Variants in CTNND2 observed in about 807,000 individuals in gnomAD.
The protein encoded by CTNND2 is catenin delta 2.
Under a neutral mutation model 144.4 loss-of-function variants are expected in CTNND2, and 22 were observed. The ratio of observed to expected loss-of-function variants is 0.15; its 90% CI spans 0.11 to 0.22. The LOEUF is 0.22. CTNND2 is among the 10% of genes least tolerant of loss of function. The pLI, the probability that CTNND2 is intolerant of heterozygous loss-of-function variation, is 1.00. For missense variants in CTNND2, 1,353 were observed against 1,618.8 expected (o/e 0.84, Z 2.82); for synonymous variants, 751 against 695.6 (o/e 1.08, Z -1.25).
chr5:11,724,017 T>G (rs1209355779), intron 2 of CTNND2, among the ~76,000 whole-genome samples: 1 of 151,340 alleles, frequency 6.6e-6, no homozygotes, highest in Non-Finnish European at 1.5e-5. Context: ...ATCACACCAC[T>G]GCACTCCAGC....
At chr5:11,535,079 T>G (rs949198979) in intron 3 of CTNND2, among the ~76,000 whole-genome samples, 1 of 151,794 alleles carries the variant, frequency 6.6e-6, no homozygotes, top group Non-Finnish European at 1.5e-5. Flanking sequence ...TCCCACCTAC[T>G]TGGGAGGTTG....
At chr5:11,529,245 C>CA (rs1186575860) in intron 3 of CTNND2, among the ~76,000 whole-genome samples, 15 of 152,104 alleles carry the variant, frequency 9.9e-5, no homozygotes, top group East Asian at 1.9e-4. Flanking sequence ...AAAAAACTGG[C>CA]AAAAAACAAA....
At chr5:11,057,388 G>A (rs983491228) in intron 16 of CTNND2, among the ~76,000 whole-genome samples, 6 of 152,126 alleles carry the variant, frequency 3.9e-5, no homozygotes, top group South Asian at 2.1e-4. Context: ...CTGTTCTCAC[G>A]ACAGTGAATA....
chr5:11,105,474 G>A (rs769947052), intron 14 of CTNND2, among the ~76,000 whole-genome samples: 9 of 152,190 alleles, frequency 5.9e-5, no homozygotes, highest in Non-Finnish European at 1.0e-4. Context: ...TGCACAGGCC[G>A]GCTCCCTGGA....
Position 11,066,426 on chromosome 5 carries a change from G to T in CTNND2, c.2788+16270C>A, listed in dbSNP as rs1253641023. Among the ~76,000 whole-genome samples, 3 of 152,092 alleles carry T rather than the reference G, an allele frequency of 2.0e-5. No individual in the cohort carries two copies. The East Asian group carries it at 5.8e-4, about 29-fold the overall frequency. The stretch of plus-strand genomic sequence containing the variant: ...CTCAATCAATTGTCAACCAGAAAAT[G>T]TTTAAATTTACCTACAGCCCCCCTC... On this transcript the variant is annotated intron_variant, in intron 16 of 21. Coordinates refer to ENST00000304623, the MANE Select transcript of CTNND2 (RefSeq NM_001332.4).
chr5:11,559,238 C>A (rs1348666445), intron 3 of CTNND2, among the ~76,000 whole-genome samples: 1 of 152,042 alleles, frequency 6.6e-6, no homozygotes, highest in East Asian at 1.9e-4. Flanking sequence ...TACATGCTCA[C>A]AAGTGAGACT....
At chr5:11,111,976 A>T (rs1488887766) in intron 13 of CTNND2, among the ~76,000 whole-genome samples, 3 of 150,828 alleles carry the variant, frequency 2.0e-5, no homozygotes, top group Non-Finnish European at 3.0e-5. Context: ...CCTCCCAAGT[A>T]GCTGGGACTA....
At chr5:11,272,997 C>T (rs1746174816) in intron 9 of CTNND2, among the ~76,000 whole-genome samples, 1 of 152,116 alleles carries the variant, frequency 6.6e-6, no homozygotes, top group Non-Finnish European at 1.5e-5. Context: ...ACCAGCTAGG[C>T]ATTCTCACAA....
chr5:11,219,344 A>G (rs944511437), intron 10 of CTNND2, among the ~76,000 whole-genome samples: 8 of 152,258 alleles, frequency 5.3e-5, no homozygotes, highest in Non-Finnish European at 8.8e-5. Context: ...GAATTTTTCA[A>G]ATCAGCTAAC....
intron 2 of CTNND2, among the ~76,000 whole-genome samples, chr5:11,722,363 G>T (rs1257168271): frequency 1.3e-5 from 2 of 152,152 alleles, no homozygotes; most frequent in Non-Finnish European, 2.9e-5. Flanking sequence ...TGGTTACACA[G>T]TTGCAGGTAA....
Position 11,403,958 on chromosome 5 carries a change from C to T in CTNND2, c.440-6755G>A, listed in dbSNP as rs77357267. ...TCACAATAGAGGATTTCCTGGCCTT[C>T]GATCATTCTTTATTCTAGTGGTTCT... On this transcript the variant is annotated intron_variant, in intron 5 of 21. Transcript: ENST00000304623. 6.5e-3 allele frequency among the ~76,000 whole-genome samples: 990 copies of T among 152,244 alleles called. 14 individuals carry two copies. Among genetic ancestry groups the T allele is most frequent in the Middle Eastern group, 0.02 (6 of 294 alleles).
At chr5:11,075,838 C>T (rs933257800) in intron 16 of CTNND2, among the ~76,000 whole-genome samples, 15 of 152,230 alleles carry the variant, frequency 9.9e-5, no homozygotes, top group African/African-American at 3.6e-4. Context: ...AGCATCTAAG[C>T]TTTATTTCTT....
At chr5:11,134,419 C>G (rs980642075) in intron 12 of CTNND2, among the ~76,000 whole-genome samples, 3 of 152,184 alleles carry the variant, frequency 2.0e-5, no homozygotes, top group Non-Finnish European at 4.4e-5. Flanking sequence ...AGCCAAGACC[C>G]CTGCATTTCT....
intron 10 of CTNND2, among the ~76,000 whole-genome samples, chr5:11,220,629 C>T (rs1490514580): frequency 6.6e-6 from 1 of 152,162 alleles, no homozygotes. Flanking sequence ...TGAAAGGAAA[C>T]TGTGCAGCGA....
chr5:11,194,871 A>G (rs575087029), intron 11 of CTNND2, among the ~76,000 whole-genome samples: 10 of 152,346 alleles, frequency 6.6e-5, no homozygotes, highest in African/African-American at 2.4e-4. Flanking sequence ...TTTTTCTTTT[A>G]AAGAGATGAT....
intron 2 of CTNND2, among the ~76,000 whole-genome samples, chr5:11,652,483 T>C (rs960643574): frequency 6.6e-6 from 1 of 152,212 alleles, no homozygotes; most frequent in African/African-American, 2.4e-5. Flanking sequence ...TCTCAAATAA[T>C]TTATAAATTT....
chr5:11,162,907 ACAC>A, intron 11 of CTNND2, among the ~76,000 whole-genome samples: 1 of 96,458 alleles, frequency 1.0e-5, no homozygotes, highest in South Asian at 3.3e-4. Context: ...ACACACACAC[ACAC>A]ACATACAGAC....
At chr5:11,703,724 G>T (rs1370202321) in intron 2 of CTNND2, among the ~76,000 whole-genome samples, 1 of 152,144 alleles carries the variant, frequency 6.6e-6, no homozygotes, top group Non-Finnish European at 1.5e-5. Flanking sequence ...AGTCTTTTGG[G>T]TCTCATAGAA....
At chr5:11,857,218 T>C (rs1795292174) in intron 1 of CTNND2, among the ~76,000 whole-genome samples, 2 of 152,178 alleles carry the variant, frequency 1.3e-5, no homozygotes, top group Non-Finnish European at 2.9e-5. Flanking sequence ...GATAGAGGAA[T>C]GGTCCTCCCT....
Sources: allele counts gnomAD v4.1 joint callset (sites outside exome capture counted in the v4.1 genomes callset), GRCh38; gene constraint gnomAD v4.1.1; transcripts MANE v1.5; gene names NCBI Gene and HGNC (gene_info 2026-07-23, HGNC 2026-07-21).